FAM227B: variants seen among roughly 807,000 people sequenced by gnomAD.
FAM227B encodes the protein family with sequence similarity 227 member B.
Under a neutral mutation model 73.8 loss-of-function variants are expected in FAM227B, and 88 were observed. The observed-to-expected ratio is 1.19, with a 90% CI of 1.00 to 1.42. FAM227B has a LOEUF of 1.42. Among genes scored for constraint, FAM227B ranks in the 40% most tolerant of loss-of-function variants. The pLI, the probability that FAM227B is intolerant of heterozygous loss-of-function variation, is 0.00. For synonymous variants in FAM227B, 210 were observed against 190.5 expected (o/e 1.10, Z -0.84); for missense variants, 632 against 590.9 (o/e 1.07, Z -0.72).
intron 11 of FAM227B, among the ~76,000 whole-genome samples, chr15:49,379,084 T>C (rs148182507): frequency 4.6e-5 from 7 of 152,218 alleles, no homozygotes; most frequent in African/African-American, 1.7e-4. Flanking sequence ...TTTGTTGATA[T>C]GATGTATTAC....
chr15:49,539,490 G>T (rs972818089), intron 10 of FAM227B, among the ~76,000 whole-genome samples: 2 of 152,174 alleles, frequency 1.3e-5, no homozygotes, highest in African/African-American at 2.4e-5. Context: ...AGAGTCAGTG[G>T]CTCCAGGGTC....
In FAM227B at chr15:49,498,152, T is replaced by A. The variant is rs541687219; in HGVS notation, c.1012+10059A>T. Among the ~76,000 whole-genome samples, 45 of 152,340 alleles carry A rather than the reference T, an allele frequency of 3.0e-4. No homozygotes were observed. The South Asian group carries it at 6.6e-3, about 22-fold the overall frequency. ...ACAATGATAATTTTAAGCCTTAATT[T>A]AATTATAAGCCTGTAAAATCAAATG... On this transcript the variant is annotated intron_variant, in intron 11 of 15. Transcript: ENST00000299338.
intron 3 of FAM227B, among the ~76,000 whole-genome samples, chr15:49,610,625 G>GTTTTCTATACTGACAT (rs2077843434): frequency 6.6e-6 from 1 of 151,748 alleles, no homozygotes; most frequent in Non-Finnish European, 1.5e-5. Context: ...CCTTTTTTCT[G>GTTTTCTATACTGACAT]TTTTCTATAC....
intron 10 of FAM227B, among the ~76,000 whole-genome samples, chr15:49,514,023 G>A (rs2059208520): frequency 6.6e-6 from 1 of 152,120 alleles, no homozygotes; most frequent in South Asian, 2.1e-4. Context: ...TTGAAGTCAG[G>A]TAGTGTGATG....
chr15:49,588,546 ACT>A (rs1491485358), intron 4 of FAM227B, among the ~76,000 whole-genome samples: 15 of 41,492 alleles, frequency 3.6e-4, no homozygotes, highest in South Asian at 8.0e-4. Context: ...CATATTGAGG[ACT>A]ATATATATAT....
At chr15:49,575,271 T>C (rs549487408) in intron 7 of FAM227B, among the ~76,000 whole-genome samples, 162 bp from the exon 8 acceptor site, 9 of 152,238 alleles carry the variant, frequency 5.9e-5, no homozygotes, top group African/African-American at 2.2e-4. Flanking sequence ...AATTTTCTTG[T>C]AGCCACATTA....
At chr15:49,433,016 A>T (rs2050753167) in intron 11 of FAM227B, among the ~76,000 whole-genome samples, 1 of 151,644 alleles carries the variant, frequency 6.6e-6, no homozygotes, top group African/African-American at 2.4e-5. Context: ...TCGAAAAAGT[A>T]GTTGGAGCAA....
At position 49,577,608 on chromosome 15, in the gene FAM227B, C is replaced by G. The variant is rs775752608; in HGVS notation, c.441+21G>C. 4.7e-6 allele frequency: 7 copies of G among 1,496,726 alleles called. 2 individuals carry two copies. In the South Asian group the frequency reaches 8.4e-5, roughly 18 times the overall value. The allele number at this position is 1,496,726 out of a possible 1,614,324, so 92.7% of individuals were successfully genotyped here. A position where few individuals can be genotyped will look rare whatever the true frequency, so the allele number is the denominator to read the frequency against. On this transcript the variant is annotated intron_variant, in intron 6 of 15. Transcript: ENST00000299338. Reference sequence around the variant, plus strand: ...ATAATACACTTGATATACAATCTGGCAGAACAGAAATTTTAAGTACCTCTA... The same window carrying G: ...ATAATACACTTGATATACAATCTGGGAGAACAGAAATTTTAAGTACCTCTA...
chr15:49,454,961 T>C (rs564902040), intron 11 of FAM227B, among the ~76,000 whole-genome samples: 4 of 152,268 alleles, frequency 2.6e-5, no homozygotes, highest in Admixed American at 2.6e-4. Flanking sequence ...CCATGTTCCA[T>C]TAGCCAATTC....
intron 13 of FAM227B, chr15:49,365,906 G>A (rs979834830): frequency 2.8e-5 from 27 of 968,108 alleles, no homozygotes; most frequent in Admixed American, 2.5e-4. Context: ...GAGTTGTACA[G>A]ACTCATTGCT....
chr15:49,337,762 A>G (rs1308675462), intron 13 of FAM227B, among the ~76,000 whole-genome samples: 2 of 151,516 alleles, frequency 1.3e-5, no homozygotes, highest in Non-Finnish European at 1.5e-5. Context: ...GAGTGAGAAC[A>G]TGCAATGTTT....
At chr15:49,606,893 C>T (rs1480308684) in intron 3 of FAM227B, among the ~76,000 whole-genome samples, 1 of 152,168 alleles carries the variant, frequency 6.6e-6, no homozygotes, top group African/African-American at 2.4e-5. Flanking sequence ...AATCTAAATA[C>T]AAGATCTTTT....
Position 49,445,419 on chromosome 15 carries a change from T to C in FAM227B, c.1012+62792A>G, listed in dbSNP as rs577266154. Among the ~76,000 whole-genome samples the C allele has an allele frequency of 4.6e-5, 7 of 151,730 alleles. No individual in the cohort carries two copies. In the South Asian group the frequency reaches 1.2e-3, roughly 27 times the overall value. On this transcript the variant is annotated intron_variant, in intron 11 of 15. Coordinates refer to ENST00000299338, the MANE Select transcript of FAM227B (RefSeq NM_152647.3). ...AAACTTATTTTTATCATGCTAAATT[T>C]TCCTCTCTAGACATTTTTCCCACTT...
At chr15:49,480,237 G>T (rs2055806225) in intron 11 of FAM227B, among the ~76,000 whole-genome samples, 2 of 152,028 alleles carry the variant, frequency 1.3e-5, no homozygotes, top group Admixed American at 6.5e-5. Context: ...TCTTTACAAA[G>T]AATTTTTGGT....
At chr15:49,418,331 A>C (rs2151719323) in intron 11 of FAM227B, among the ~76,000 whole-genome samples, 1 of 152,332 alleles carries the variant, frequency 6.6e-6, no homozygotes, top group African/African-American at 2.4e-5. Context: ...AAAGGAATAT[A>C]AATCATTCTA....
chr15:49,363,440 A>G (rs139563693), intron 13 of FAM227B, among the ~76,000 whole-genome samples: 2 of 152,262 alleles, frequency 1.3e-5, no homozygotes, highest in Non-Finnish European at 2.9e-5. Flanking sequence ...TTGTTGGTAT[A>G]TGGGAATGCT....
intron 8 of FAM227B, among the ~76,000 whole-genome samples, chr15:49,570,342 A>C (rs1223987689): frequency 6.6e-6 from 1 of 151,834 alleles, no homozygotes; most frequent in Non-Finnish European, 1.5e-5. Flanking sequence ...CTCACACATC[A>C]AACAGTTGTG....
chr15:49,608,910 T>C (rs2077700671), intron 3 of FAM227B, among the ~76,000 whole-genome samples: 1 of 151,814 alleles, frequency 6.6e-6, no homozygotes, highest in South Asian at 2.1e-4. Context: ...ATGGAAGAAA[T>C]TGGAATCAAC....
At chr15:49,433,215 C>A (rs1253928773) in intron 11 of FAM227B, among the ~76,000 whole-genome samples, 1 of 151,566 alleles carries the variant, frequency 6.6e-6, no homozygotes, top group Non-Finnish European at 1.5e-5. Flanking sequence ...TCTTTCTGTG[C>A]CCCAATTGCT....
Sources: allele counts gnomAD v4.1 joint callset (sites outside exome capture counted in the v4.1 genomes callset), GRCh38; gene constraint gnomAD v4.1.1; transcripts MANE v1.5; gene names NCBI Gene and HGNC (gene_info 2026-07-23, HGNC 2026-07-21).